The following PSMD14 variants were observed in gnomAD, a reference collection of about 807,000 sequenced individuals.
The protein encoded by PSMD14 is ubiquitin C-terminal hydrolase PSMD14.
PSMD14 carries 7 observed loss-of-function variants against 41.2 expected under a neutral mutation model. The observed-to-expected ratio is 0.17, with a 90% CI of 0.10 to 0.32. The LOEUF is 0.32. Ranked by LOEUF, PSMD14 falls within the 10% of genes least tolerant of loss-of-function variation. PSMD14 has a pLI of 1.00. For synonymous variants in PSMD14, 114 were observed against 122.3 expected (o/e 0.93, Z 0.45); for missense variants, 139 against 375.6 (o/e 0.37, Z 5.21).
intron 4 of PSMD14, 116 bp from the exon 5 acceptor site, chr2:161,367,668 C>A: frequency 1.5e-6 from 2 of 1,365,060 alleles, no homozygotes; most frequent in Non-Finnish European, 9.6e-7. Flanking sequence ...GTTTTAGGTA[C>A]ATTTATAAAA....
intron 3 of PSMD14, among the ~76,000 whole-genome samples, chr2:161,360,953 T>A (rs1683281679): frequency 6.6e-6 from 1 of 152,272 alleles, no homozygotes; most frequent in African/African-American, 2.4e-5. Context: ...TTGTCATAAA[T>A]GGGAAAACTA....
At chr2:161,318,938 A>G in intron 3 of PSMD14, 65 bp downstream of exon 3, 4 of 1,306,958 alleles carry the variant, frequency 3.1e-6, no homozygotes, top group Non-Finnish European at 4.3e-6. Flanking sequence ...TAGTTAGCCA[A>G]AGAGAAAGAA....
At chr2:161,383,175 C>CA (rs1430229187) in intron 7 of PSMD14, 4 of 151,784 alleles carry the variant, frequency 2.6e-5, no homozygotes, top group Non-Finnish European at 5.9e-5. Flanking sequence ...TTTCACAGTG[C>CA]AAAAAGCAAT....
intron 8 of PSMD14, among the ~76,000 whole-genome samples, chr2:161,390,716 G>A (rs1049374923): frequency 5.3e-5 from 8 of 152,172 alleles, no homozygotes; most frequent in Admixed American, 1.3e-4. Context: ...AGAAACAGCT[G>A]TGTTATTGTG....
chr2:161,364,840 AC>A (rs1452876009), intron 3 of PSMD14, among the ~76,000 whole-genome samples: 1 of 152,134 alleles, frequency 6.6e-6, no homozygotes, highest in African/African-American at 2.4e-5. Context: ...GCAGTCGCTC[AC>A]GCCTGTAATG....
At chr2:161,390,310 A>C (rs906425628) in intron 8 of PSMD14, among the ~76,000 whole-genome samples, 1 of 152,040 alleles carries the variant, frequency 6.6e-6, no homozygotes, top group Non-Finnish European at 1.5e-5. Flanking sequence ...ATATCCCTAA[A>C]GGTTTATTTC....
intron 10 of PSMD14, among the ~76,000 whole-genome samples, chr2:161,401,552 A>C (rs1683878558): frequency 6.6e-6 from 1 of 152,224 alleles, no homozygotes; most frequent in African/African-American, 2.4e-5. Flanking sequence ...GAAGATGGAC[A>C]TTAAGAAGGT....
intron 3 of PSMD14, among the ~76,000 whole-genome samples, chr2:161,360,381 T>C (rs1431849856): frequency 2.8e-5 from 4 of 143,146 alleles, no homozygotes; most frequent in Non-Finnish European, 4.5e-5. Context: ...TTTTTTTTTT[T>C]CACCCGCTCT....
chr2:161,377,137 G>A (rs1043866536), intron 7 of PSMD14, among the ~76,000 whole-genome samples: 2 of 151,986 alleles, frequency 1.3e-5, no homozygotes, highest in Admixed American at 1.3e-4. Context: ...AAGATATTTA[G>A]CATAGCTGCT....
chr2:161,323,262 A>G (rs967533284), intron 3 of PSMD14, among the ~76,000 whole-genome samples: 7 of 151,660 alleles, frequency 4.6e-5, no homozygotes, highest in African/African-American at 7.3e-5. Flanking sequence ...ACTATCTTAA[A>G]CCTTTCTTTT....
intron 3 of PSMD14, chr2:161,340,999 C>T (rs1228799021): frequency 1.1e-5 from 18 of 1,611,740 alleles, no homozygotes; most frequent in Non-Finnish European, 1.5e-5. Flanking sequence ...CTCGCCTCCA[C>T]CGCCTGCTCC....
intron 3 of PSMD14, among the ~76,000 whole-genome samples, chr2:161,324,004 T>C (rs1410991030): frequency 6.6e-6 from 1 of 152,228 alleles, no homozygotes; most frequent in African/African-American, 2.4e-5. Flanking sequence ...GCCCAAGAGA[T>C]GAGAATAGCC....
At chr2:161,404,160 C>T (rs1307644647) in intron 10 of PSMD14, among the ~76,000 whole-genome samples, 1 of 152,076 alleles carries the variant, frequency 6.6e-6, no homozygotes, top group Non-Finnish European at 1.5e-5. Flanking sequence ...TCCCCCTCAG[C>T]CTCCTGAGTA....
At chr2:161,367,754 C>CT in intron 4 of PSMD14, 30 bp from the exon 5 acceptor site, 1 of 1,605,026 alleles carries the variant, frequency 6.2e-7, no homozygotes. Context: ...ACGAAATTTG[C>CT]TTTGTGTCCA....
chr2:161,383,541 G>A (rs999008822), intron 7 of PSMD14: 2 of 151,300 alleles, frequency 1.3e-5, no homozygotes, highest in Admixed American at 6.6e-5. Flanking sequence ...ATATTTCAGA[G>A]AAATAATATA....
intron 3 of PSMD14, among the ~76,000 whole-genome samples, chr2:161,338,635 T>A (rs1273314524): frequency 2.0e-5 from 3 of 152,204 alleles, no homozygotes; most frequent in African/African-American, 7.2e-5. Context: ...AGGCCTTTTG[T>A]ATGTTTTTAA....
Position 161,333,140 on chromosome 2 carries a change from G to A in PSMD14, c.48+14267G>A, listed in dbSNP as rs141935385. 7.4e-3 allele frequency among the ~76,000 whole-genome samples: 1,133 copies of A among 152,266 alleles called. 11 individuals carry two copies. Among genetic ancestry groups the A allele is most frequent in the Admixed American group, 9.2e-3 (141 of 15,304 alleles). ...ACATTTTAAAATTTGTTTAATAATA[G>A]CATAGAAATATAAATTTCTGGAAAT... On this transcript the variant is annotated intron_variant, in intron 3 of 11. Coordinates refer to ENST00000409682, the MANE Select transcript of PSMD14 (RefSeq NM_005805.6).
At chr2:161,334,331 C>A (rs181953540) in intron 3 of PSMD14, among the ~76,000 whole-genome samples, 1 of 152,260 alleles carries the variant, frequency 6.6e-6, no homozygotes, top group East Asian at 1.9e-4. Context: ...AGTGAAACTC[C>A]ATTTCAATTA....
At chr2:161,348,089 A>C (rs1362412131) in intron 3 of PSMD14, among the ~76,000 whole-genome samples, 2 of 152,238 alleles carry the variant, frequency 1.3e-5, no homozygotes, top group Non-Finnish European at 2.9e-5. Context: ...TAGTGAGAGT[A>C]TACAACCCTC....
Sources: gnomAD v4.1 joint callset for allele counts (sites outside exome capture counted in the v4.1 genomes callset) on GRCh38, gnomAD v4.1.1 for gene constraint, MANE v1.5 for transcripts, NCBI Gene and HGNC (gene_info 2026-07-23, HGNC 2026-07-21) for gene names.